The following BTAF1 variants were observed in gnomAD, a reference collection of about 807,000 sequenced individuals.
BTAF1 encodes the protein TATA-binding protein-associated factor 172.
In BTAF1, 38 loss-of-function variants were observed where a neutral mutation model predicts 227.1. The observed-to-expected ratio is 0.17, with a 90% CI of 0.13 to 0.22. The LOEUF is 0.22. BTAF1 is among the 10% of genes least tolerant of loss of function. The pLI is 1.00. For synonymous variants in BTAF1, 742 were observed against 751.9 expected, an observed-to-expected ratio of 0.99 and a Z score of 0.21; for missense variants, 1,598 against 2,204.0, an observed-to-expected ratio of 0.73 and a Z score of 5.51.
At position 91,966,353 on chromosome 10, in the gene BTAF1, A is replaced by G. The variant is rs180892608; in HGVS notation, c.1530-284A>G. Among the ~76,000 whole-genome samples, 39 of 152,346 alleles carry G rather than the reference A, an allele frequency of 2.6e-4. 1 individual carries two copies. The highest frequency in any genetic ancestry group is 2.4e-3 in the Admixed American group (36 of 15,308). The stretch of plus-strand genomic sequence containing the variant: ...AATTACATTGGAAAGTCCTAACTTG[A>G]TAAAGGTGACTCATAGCATTAGTGC... On this transcript the variant is annotated intron_variant, in intron 13 of 37. Transcript: ENST00000265990.
chr10:91,964,029 A>T, intron 12 of BTAF1, 48 bp from the exon 13 acceptor site: 1 of 1,605,114 alleles, frequency 6.2e-7, no homozygotes, highest in South Asian at 1.1e-5. Flanking sequence ...AGGGTTTGTG[A>T]GTATTTTGTG....
chr10:91,931,150 G>T (rs889507146), intron 1 of BTAF1, among the ~76,000 whole-genome samples: 1 of 152,166 alleles, frequency 6.6e-6, no homozygotes, highest in African/African-American at 2.4e-5. Flanking sequence ...GAGGAGAGGG[G>T]TTAGATTGCA....
intron 4 of BTAF1, among the ~76,000 whole-genome samples, chr10:91,950,883 A>G (rs1313020913): frequency 1.5e-5 from 2 of 137,270 alleles, no homozygotes; most frequent in Admixed American, 1.6e-4. Flanking sequence ...CCCAGGCTGG[A>G]CTGCAGTGTT....
chr10:92,003,256 A>C (rs865966289), intron 25 of BTAF1, among the ~76,000 whole-genome samples: 1 of 151,990 alleles, frequency 6.6e-6, no homozygotes, highest in African/African-American at 2.4e-5. Context: ...TTTGGTGAAA[A>C]CCCATTTAAT....
chr10:91,969,771 G>A (rs538109014), intron 14 of BTAF1, among the ~76,000 whole-genome samples: 66 of 152,146 alleles, frequency 4.3e-4, no homozygotes, highest in Admixed American at 8.5e-4. Flanking sequence ...CCAGACCAAC[G>A]TGGGCAACAT....
At chr10:91,985,395 G>A (rs1179374439) in intron 19 of BTAF1, among the ~76,000 whole-genome samples, 1 of 151,822 alleles carries the variant, frequency 6.6e-6, no homozygotes. Flanking sequence ...CCCGTTTATG[G>A]ACACTTTGGC....
chr10:92,007,210 C>CTTTTTTTTTTT lies in BTAF1; in HGVS notation c.3661-897_3661-887dup, dbSNP rs969389265. ...ACTGCTCTATCAAGGTATTTTTTGT[C>CTTTTTTTTTTT]TTTTTTTTTTTTTTTTTTTTTTTTT... is the stretch of plus-strand genomic sequence containing the variant. On this transcript the variant is annotated intron_variant, in intron 25 of 37. Coordinates refer to ENST00000265990, the MANE Select transcript of BTAF1 (RefSeq NM_003972.3). 2.6e-4 allele frequency among the ~76,000 whole-genome samples: 16 copies of CTTTTTTTTTTT among 61,278 alleles called. 1 individual carries two copies. The highest frequency in any genetic ancestry group is 4.3e-4 in the Non-Finnish European group (13 of 30,504). The allele number at this position is 61,278 out of a possible 152,430, so 40.2% of individuals were successfully genotyped here. A position where few individuals can be genotyped will look rare whatever the true frequency, so the allele number is the denominator to read the frequency against.
chr10:92,022,087 G>T (rs376779733), intron 34 of BTAF1, among the ~76,000 whole-genome samples: 12 of 152,082 alleles, frequency 7.9e-5, no homozygotes, highest in Non-Finnish European at 1.3e-4. Context: ...CCCTGAACTC[G>T]ATCAGTCTCT....
intron 28 of BTAF1, 43 bp from the exon 29 acceptor site, chr10:92,011,030 T>C (rs1313632366): frequency 6.1e-6 from 9 of 1,464,850 alleles, no homozygotes; most frequent in South Asian, 1.2e-5. Flanking sequence ...TTAAGAACTT[T>C]TCAGGGTCTC....
At position 91,942,441 on chromosome 10, in the gene BTAF1, T is replaced by A; in HGVS notation, c.273T>A (p.Ser91=). The change falls in exon 4 of 38, where the codon TCT becomes TCA. Residue 91 remains serine, a synonymous_variant. Transcript: ENST00000265990. Reference sequence around the variant, plus strand: ...ATGTAGAACCTACTTCCGAAAGTTCTATGGAAGATTCACCTACTACAGAGC... The same window carrying A: ...ATGTAGAACCTACTTCCGAAAGTTCAATGGAAGATTCACCTACTACAGAGC... The part of the protein sequence containing the change: ...RTRQEPTSES[S]MEDSPTTERL... 1 of 1,613,938 alleles carries A rather than the reference T, an allele frequency of 6.2e-7. No homozygotes were observed. Among genetic ancestry groups the A allele is most frequent in the South Asian group, 1.1e-5 (1 of 91,082 alleles).
chr10:91,963,994 A>G, intron 12 of BTAF1, 83 bp from the exon 13 acceptor site: 1 of 1,466,144 alleles, frequency 6.8e-7, no homozygotes. Context: ...TTGAATCAGT[A>G]GTGACCCCTG....
chr10:92,017,504 T>G (rs1564721307), intron 33 of BTAF1, among the ~76,000 whole-genome samples: 1 of 151,758 alleles, frequency 6.6e-6, no homozygotes, highest in Non-Finnish European at 1.5e-5. Flanking sequence ...GAAGATCTAG[T>G]TTTTGTTTTG....
chr10:91,944,417 A>G (rs967404652), intron 4 of BTAF1, among the ~76,000 whole-genome samples: 1 of 151,980 alleles, frequency 6.6e-6, no homozygotes, highest in African/African-American at 2.4e-5. Context: ...ATTTCCCCCA[A>G]TAGGGCTTCG....
chr10:92,010,740 G>C (rs577881372), intron 28 of BTAF1, among the ~76,000 whole-genome samples: 2 of 152,282 alleles, frequency 1.3e-5, no homozygotes, highest in East Asian at 3.9e-4. Flanking sequence ...CATTTCCTTG[G>C]TGATTATGGG....
intron 36 of BTAF1, 100 bp downstream of exon 36, chr10:92,026,851 C>A (rs987819817): frequency 8.5e-6 from 11 of 1,290,106 alleles, no homozygotes; most frequent in Non-Finnish European, 1.1e-5. Context: ...CTGGTGTTAA[C>A]ATACATGTGT....
At chr10:91,986,098 T>A (rs1848375519) in intron 19 of BTAF1, among the ~76,000 whole-genome samples, 1 of 152,064 alleles carries the variant, frequency 6.6e-6, no homozygotes. Context: ...ATTTAGTTTT[T>A]ATGATTTATC....
chr10:91,994,747 A>G, intron 23 of BTAF1, 103 bp downstream of exon 23: 1 of 948,888 alleles, frequency 1.1e-6, no homozygotes, highest in Non-Finnish European at 1.6e-6. Context: ...ATCCTTATTA[A>G]TTGCATTTTT....
chr10:91,939,304 C>T (rs1286590601), intron 2 of BTAF1, among the ~76,000 whole-genome samples: 2 of 152,136 alleles, frequency 1.3e-5, no homozygotes, highest in Non-Finnish European at 2.9e-5. Flanking sequence ...ATCTTACAAC[C>T]ATACTAAACT....
chr10:92,004,351 C>G (rs978007815), intron 25 of BTAF1, among the ~76,000 whole-genome samples: 3 of 152,142 alleles, frequency 2.0e-5, no homozygotes, highest in Admixed American at 1.3e-4. Context: ...TTGAGCATCC[C>G]TAATCTGAAA....
Sources: allele counts gnomAD v4.1 joint callset (sites outside exome capture counted in the v4.1 genomes callset), GRCh38; gene constraint gnomAD v4.1.1; transcripts MANE v1.5; gene names NCBI Gene and HGNC (gene_info 2026-07-23, HGNC 2026-07-21).